The following DPP6 variants were observed in gnomAD, a reference collection of about 807,000 sequenced individuals.
DPP6 encodes dipeptidyl peptidase like 6.
A neutral mutation model predicts 122.6 loss-of-function variants in DPP6; 69 were observed. The ratio of observed to expected loss-of-function variants is 0.56; its 90% CI spans 0.46 to 0.69. The LOEUF is 0.69. DPP6 is among the 30% of genes least tolerant of loss of function. The pLI is 0.00. For missense variants in DPP6, 928 were observed against 1,116.9 expected (o/e 0.83, Z 2.41); for synonymous variants, 418 against 433.1 (o/e 0.97, Z 0.43).
intron 10 of DPP6, among the ~76,000 whole-genome samples, chr7:154,779,557 C>T (rs1016391046): frequency 6.6e-6 from 1 of 152,174 alleles, no homozygotes; most frequent in Non-Finnish European, 1.5e-5. Context: ...CTTCCGTCAC[C>T]AGAGCTATTG....
intron 1 of DPP6, among the ~76,000 whole-genome samples, chr7:154,127,638 C>CACACACACACACACACACACACACACAG (rs1808014044): frequency 9.2e-6 from 1 of 109,100 alleles, no homozygotes; most frequent in African/African-American, 4.3e-5. Flanking sequence ...CACACAGACA[C>CACACACACACACACACACACACACACAG]ACACACACAC....
intron 6 of DPP6, among the ~76,000 whole-genome samples, chr7:154,660,892 A>G (rs11976409): frequency 1.5e-4 from 9 of 61,104 alleles, no homozygotes; most frequent in Non-Finnish European, 2.1e-4. Flanking sequence ...TGGCGCTAGT[A>G]TTCATATAGT....
intron 1 of DPP6, among the ~76,000 whole-genome samples, chr7:154,363,661 G>C (rs1306143167): frequency 6.6e-6 from 1 of 152,136 alleles, no homozygotes; most frequent in African/African-American, 2.4e-5. Context: ...TTGCTTATTT[G>C]CTTGTTTTGA....
At chr7:153,772,595 G>A in the DPP6 span, among the ~76,000 whole-genome samples, 19 of 152,056 alleles carry the variant, frequency 1.2e-4, no homozygotes, top group Admixed American at 1.2e-3. Flanking sequence ...GAGCTAGGAC[G>A]ATGGTAGATT....
At chr7:154,865,984 A>G (rs1803842478) in intron 17 of DPP6, among the ~76,000 whole-genome samples, 1 of 152,172 alleles carries the variant, frequency 6.6e-6, no homozygotes, top group African/African-American at 2.4e-5. Context: ...AGGGAGAAGG[A>G]TTTGCTGCCA....
intron 1 of DPP6, among the ~76,000 whole-genome samples, chr7:154,330,475 C>T (rs936804487): frequency 9.2e-5 from 14 of 152,094 alleles, no homozygotes; most frequent in Non-Finnish European, 1.5e-4. Flanking sequence ...TGTGAGAGCA[C>T]GGAAAAGATG....
chr7:153,785,146 T>C, the DPP6 span, among the ~76,000 whole-genome samples: 1 of 152,164 alleles, frequency 6.6e-6, no homozygotes, highest in Non-Finnish European at 1.5e-5. Context: ...TGGAATGAAC[T>C]TAGATCCTCA....
In DPP6 at chr7:154,190,762, G is replaced by T. The variant is rs114380350; in HGVS notation, c.243+137699G>T. Among the ~76,000 whole-genome samples, 259 of 152,140 alleles carry T rather than the reference G, an allele frequency of 1.7e-3. 1 individual carries two copies. Among genetic ancestry groups the T allele is most frequent in the African/African-American group, 6.1e-3 (255 of 41,500 alleles). On this transcript the variant is annotated intron_variant, in intron 1 of 25. Transcript: ENST00000377770. ...CCTGAAAAGCCCATGAATTCACCTG[G>T]TATTCTGGCAAGAGCTGTTACTTCT...
intron 1 of DPP6, chr7:153,887,809 C>G (rs1799002173): frequency 6.6e-7 from 1 of 1,524,286 alleles, no homozygotes; most frequent in African/African-American, 1.4e-5. Flanking sequence ...GAGGTCTGTC[C>G]TTCTCAGTCC....
At position 154,172,166 on chromosome 7, in the gene DPP6, C is replaced by CT. The variant is rs71182883; in HGVS notation, c.243+119103_243+119104insT. Among the ~76,000 whole-genome samples, 582 of 152,088 alleles carry CT rather than the reference C, an allele frequency of 3.8e-3. 3 individuals carry two copies. The highest frequency in any genetic ancestry group is 0.014 in the African/African-American group (561 of 41,482). On this transcript the variant is annotated intron_variant, in intron 1 of 25. Transcript: ENST00000377770. ...CCTTCTTCCCTGCCTGCCTGCCTGC[C>CT]ACAGGTGTTTAATGAACATCAACTA...
At chr7:153,812,467 G>A in the DPP6 span, among the ~76,000 whole-genome samples, 1 of 151,998 alleles carries the variant, frequency 6.6e-6, no homozygotes, top group Non-Finnish European at 1.5e-5. Context: ...TCCGAACCCA[G>A]TTCTGCATGT....
chr7:154,077,785 C>G (rs1365777275), intron 1 of DPP6, among the ~76,000 whole-genome samples: 2 of 151,798 alleles, frequency 1.3e-5, no homozygotes, highest in African/African-American at 2.4e-5. Flanking sequence ...ATTCTCCTGC[C>G]TCAGCCTCTC....
At chr7:154,257,422 G>A (rs1262116147) in intron 1 of DPP6, among the ~76,000 whole-genome samples, 7 of 152,058 alleles carry the variant, frequency 4.6e-5, no homozygotes, top group South Asian at 2.1e-4. Flanking sequence ...GGTCTGGTGC[G>A]GGTGGCTCAT....
At chr7:154,640,491 C>T (rs1261993192) in intron 6 of DPP6, among the ~76,000 whole-genome samples, 3 of 152,186 alleles carry the variant, frequency 2.0e-5, no homozygotes, top group African/African-American at 7.2e-5. Context: ...CGTTGCTCAA[C>T]CTGCTCAATT....
chr7:154,557,229 TG>T (rs529052736), intron 4 of DPP6, among the ~76,000 whole-genome samples: 550 of 152,226 alleles, frequency 3.6e-3, no homozygotes, highest in Non-Finnish European at 6.4e-3. Flanking sequence ...AAATGGAGAC[TG>T]GGGTGGTCAG....
intron 5 of DPP6, among the ~76,000 whole-genome samples, chr7:154,611,840 A>C: frequency 7.3e-6 from 1 of 137,484 alleles, no homozygotes; most frequent in East Asian, 2.5e-4. Flanking sequence ...AGATTTCTCC[A>C]TTTTGCTTTC....
the DPP6 span, among the ~76,000 whole-genome samples, chr7:153,784,349 A>G: frequency 6.6e-6 from 1 of 152,370 alleles, no homozygotes; most frequent in African/African-American, 2.4e-5. Flanking sequence ...GAATCACATG[A>G]TAGTTAAAAT....
chr7:154,748,551 A>C (rs145000942), intron 8 of DPP6, among the ~76,000 whole-genome samples: 7 of 152,246 alleles, frequency 4.6e-5, no homozygotes, highest in Non-Finnish European at 8.8e-5. Flanking sequence ...TGAGATAATA[A>C]CTTAATGAAA....
chr7:154,528,277 T>C (rs1219527031), intron 3 of DPP6, among the ~76,000 whole-genome samples: 3 of 152,230 alleles, frequency 2.0e-5, no homozygotes, highest in Non-Finnish European at 4.4e-5. Context: ...CCTATCCATA[T>C]AGCGTTAAAA....
Sources: allele counts gnomAD v4.1 joint callset (sites outside exome capture counted in the v4.1 genomes callset), GRCh38; gene constraint gnomAD v4.1.1; transcripts MANE v1.5; gene names NCBI Gene and HGNC (gene_info 2026-07-23, HGNC 2026-07-21).